IL1RAPL2: variants seen among roughly 807,000 people sequenced by gnomAD.
IL1RAPL2 encodes interleukin 1 receptor accessory protein like 2, also known as X-linked interleukin-1 receptor accessory protein-like 2.
In IL1RAPL2, 3 loss-of-function variants were observed where a neutral mutation model predicts 44.1. The ratio of observed to expected loss-of-function variants is 0.07; its 90% CI spans 0.03 to 0.18. The LOEUF is 0.18. IL1RAPL2 is among the 10% of genes least tolerant of loss of function. IL1RAPL2 has a pLI of 1.00. For synonymous variants in IL1RAPL2, 181 were observed against 178.8 expected (o/e 1.01, Z -0.10); for missense variants, 391 against 496.4 (o/e 0.79, Z 2.02).
At chrX:105,305,868 C>T (rs1429175781) in intron 5 of IL1RAPL2, among the ~76,000 whole-genome samples, 1 of 111,522 alleles carries the variant, frequency 9.0e-6, no homozygotes, top group Non-Finnish European at 1.9e-5. Flanking sequence ...TCCCCTTTCT[C>T]CCCGTCATTA....
intron 2 of IL1RAPL2, among the ~76,000 whole-genome samples, chrX:105,080,142 G>A (rs1346932588): frequency 8.9e-6 from 1 of 111,978 alleles, no homozygotes; most frequent in Non-Finnish European, 1.9e-5. Context: ...TGGACAGATT[G>A]CAAAAATTTT....
intron 2 of IL1RAPL2, among the ~76,000 whole-genome samples, chrX:105,117,596 G>T (rs1355503633): frequency 9.0e-6 from 1 of 111,069 alleles, no homozygotes; most frequent in East Asian, 2.8e-4. Context: ...CCCCCATGCT[G>T]TTCTCATGAT....
chrX:104,828,834 G>T (rs747519310), intron 2 of IL1RAPL2, among the ~76,000 whole-genome samples: 12 of 112,865 alleles, frequency 1.1e-4, no homozygotes, highest in African/African-American at 3.8e-4. Context: ...GCCCAGAGAG[G>T]AGGAATCTAG....
At chrX:105,347,200 C>G (rs998794414) in intron 5 of IL1RAPL2, among the ~76,000 whole-genome samples, 3 of 112,031 alleles carry the variant, frequency 2.7e-5, no homozygotes, top group Admixed American at 9.5e-5. Flanking sequence ...GTGTCCATTT[C>G]TTGCTTCTGA....
At chrX:104,730,364 C>T (rs1313964165) in intron 2 of IL1RAPL2, among the ~76,000 whole-genome samples, 1 of 73,441 alleles carries the variant, frequency 1.4e-5, no homozygotes, top group Admixed American at 1.6e-4. Flanking sequence ...CTAATGCTAT[C>T]CCTCCCCTCC....
chrX:105,334,413 ATATAGT>A (rs2035012461), intron 5 of IL1RAPL2, among the ~76,000 whole-genome samples: 1 of 91,669 alleles, frequency 1.1e-5, no homozygotes, highest in African/African-American at 3.4e-5. Context: ...TACAAAAATA[ATATAGT>A]TATAAGGAAT....
At chrX:104,740,880 T>C (rs1007853658) in intron 2 of IL1RAPL2, among the ~76,000 whole-genome samples, 2 of 111,747 alleles carry the variant, frequency 1.8e-5, no homozygotes, top group African/African-American at 6.5e-5. Context: ...TTAATGTAGA[T>C]ATCTACAGTG....
At chrX:104,802,634 T>C (rs773909101) in intron 2 of IL1RAPL2, among the ~76,000 whole-genome samples, 1 of 112,134 alleles carries the variant, frequency 8.9e-6, no homozygotes, top group African/African-American at 3.2e-5. Flanking sequence ...TATTTTTCTA[T>C]GTTTGTTCAT....
intron 6 of IL1RAPL2, among the ~76,000 whole-genome samples, chrX:105,674,850 T>C (rs1040938471): frequency 1.8e-5 from 2 of 111,338 alleles, no homozygotes; most frequent in Non-Finnish European, 3.8e-5. Flanking sequence ...CAGTGGTTTG[T>C]AGTTCTCCTT....
intron 2 of IL1RAPL2, among the ~76,000 whole-genome samples, chrX:105,024,699 T>G (rs2031337318): frequency 9.0e-6 from 1 of 111,545 alleles, no homozygotes; most frequent in Admixed American, 9.6e-5. Context: ...AACTGAAAGC[T>G]TTTACAACTC....
chrX:105,162,254 G>T (rs2033332525), intron 2 of IL1RAPL2, among the ~76,000 whole-genome samples: 2 of 111,941 alleles, frequency 1.8e-5, no homozygotes, highest in African/African-American at 6.5e-5. Flanking sequence ...ATCCATGACT[G>T]CTGTGAGGAA....
chrX:105,053,638 C>G (rs1040989609), intron 2 of IL1RAPL2, among the ~76,000 whole-genome samples: 5 of 111,725 alleles, frequency 4.5e-5, no homozygotes, highest in Non-Finnish European at 5.6e-5. Flanking sequence ...ATATGTTCAT[C>G]AATAGATTCT....
At chrX:104,659,491 A>C (rs896207489) in intron 2 of IL1RAPL2, among the ~76,000 whole-genome samples, 1 of 112,013 alleles carries the variant, frequency 8.9e-6, no homozygotes, top group African/African-American at 3.2e-5. Flanking sequence ...GAATTTCTCG[A>C]GAAGAAAAAT....
At chrX:105,503,011 G>A (rs2036406658) in intron 6 of IL1RAPL2, among the ~76,000 whole-genome samples, 1 of 109,948 alleles carries the variant, frequency 9.1e-6, no homozygotes, top group Admixed American at 9.7e-5. Flanking sequence ...TAATGGTTTC[G>A]TTTCATTAAG....
intron 2 of IL1RAPL2, among the ~76,000 whole-genome samples, chrX:105,102,733 A>G (rs924457466): frequency 4.5e-5 from 5 of 111,958 alleles, no homozygotes; most frequent in African/African-American, 1.6e-4. Flanking sequence ...AAGTCCTATA[A>G]TCTGCTGTCT....
intron 2 of IL1RAPL2, among the ~76,000 whole-genome samples, chrX:104,670,953 A>T (rs1246232714): frequency 9.0e-6 from 1 of 111,560 alleles, no homozygotes; most frequent in African/African-American, 3.3e-5. Flanking sequence ...TCTACTTATG[A>T]AATAAAACTC....
intron 6 of IL1RAPL2, among the ~76,000 whole-genome samples, chrX:105,678,312 A>G (rs756662713): frequency 1.7e-4 from 19 of 112,188 alleles, no homozygotes; most frequent in Admixed American, 1.6e-3. Flanking sequence ...AAAATGGGGT[A>G]TTCATCCCCT....
At chrX:105,293,568 G>GA (rs1433857568) in intron 5 of IL1RAPL2, among the ~76,000 whole-genome samples, 1 of 111,739 alleles carries the variant, frequency 8.9e-6, no homozygotes, top group Non-Finnish European at 1.9e-5. Context: ...AGCATATAGG[G>GA]AAAAAATTAT....
chrX:104,943,123 A>G (rs764521435), intron 2 of IL1RAPL2, among the ~76,000 whole-genome samples: 131 of 111,317 alleles, frequency 1.2e-3, no homozygotes, highest in Middle Eastern at 9.2e-3. Context: ...TTTTTCATCG[A>G]TGTTCATCAG....
Sources: gnomAD v4.1 joint callset for allele counts (sites outside exome capture counted in the v4.1 genomes callset) on GRCh38, gnomAD v4.1.1 for gene constraint, MANE v1.5 for transcripts, NCBI Gene and HGNC (gene_info 2026-07-23, HGNC 2026-07-21) for gene names.